NAV3: variants seen among roughly 807,000 people sequenced by gnomAD.
NAV3 encodes the protein pore membrane and/or filament interacting like protein 1.
Under a neutral mutation model 244.7 loss-of-function variants are expected in NAV3, and 87 were observed. The observed-to-expected ratio is 0.36, with a 90% CI of 0.30 to 0.42. The LOEUF (loss-of-function observed/expected upper bound fraction) is 0.42. Ranked by LOEUF, NAV3 falls within the 20% of genes least tolerant of loss-of-function variation. The pLI, the probability that NAV3 is intolerant of heterozygous loss-of-function variation, is 1.00. For synonymous variants in NAV3, 1,126 were observed against 1,042.2 expected (o/e 1.08, Z -1.55); for missense variants, 2,663 against 2,893.3 (o/e 0.92, Z 1.83).
At chr12:77,948,762 A>C (rs2137607030) in intron 3 of NAV3, among the ~76,000 whole-genome samples, 1 of 150,532 alleles carries the variant, frequency 6.6e-6, no homozygotes, top group Non-Finnish European at 1.5e-5. Flanking sequence ...TAATTTTAAC[A>C]ATCTTAGTTT....
At chr12:77,957,311 A>G (rs1282895911) in intron 3 of NAV3, among the ~76,000 whole-genome samples, 3 of 152,338 alleles carry the variant, frequency 2.0e-5, no homozygotes, top group Admixed American at 6.5e-5. Context: ...TAAACAGTCT[A>G]TAGTTGCTGA....
intron 1 of NAV3, among the ~76,000 whole-genome samples, chr12:77,886,731 GA>G (rs1308824639): frequency 2.6e-5 from 4 of 152,030 alleles, no homozygotes; most frequent in Non-Finnish European, 5.9e-5. Context: ...ATGCTTTTTA[GA>G]AAAATTCTTT....
intron 3 of NAV3, among the ~76,000 whole-genome samples, chr12:77,947,952 T>C (rs1890516261): frequency 6.6e-6 from 1 of 152,034 alleles, no homozygotes; most frequent in African/African-American, 2.4e-5. Flanking sequence ...ATTCCAATTT[T>C]GTATGTATGA....
chr12:77,957,756 G>A (rs555091815), intron 3 of NAV3, among the ~76,000 whole-genome samples: 3 of 151,736 alleles, frequency 2.0e-5, no homozygotes, highest in Non-Finnish European at 4.4e-5. Flanking sequence ...CCTTTGCCTC[G>A]CAGGTTCAAG....
chr12:77,650,985 C>T (rs977808556), intron 2 of NAV3, among the ~76,000 whole-genome samples: 2 of 151,968 alleles, frequency 1.3e-5, no homozygotes, highest in African/African-American at 4.8e-5. Context: ...TATATAGTAA[C>T]TATTTTAAAT....
At chr12:77,970,342 G>T (rs898336212) in intron 5 of NAV3, among the ~76,000 whole-genome samples, 1 of 151,958 alleles carries the variant, frequency 6.6e-6, no homozygotes, top group Non-Finnish European at 1.5e-5. Flanking sequence ...TACATTTATG[G>T]ACCACCTCCC....
intron 12 of NAV3, among the ~76,000 whole-genome samples, chr12:78,072,576 G>A: frequency 1.2e-4 from 8 of 69,020 alleles, no homozygotes; most frequent in Non-Finnish European, 1.7e-4. Context: ...TCCAGGACCA[G>A]ATGGATTCAC....
intron 2 of NAV3, among the ~76,000 whole-genome samples, chr12:77,606,486 C>T (rs1870675597): frequency 6.6e-6 from 1 of 152,020 alleles, no homozygotes; most frequent in African/African-American, 2.4e-5. Context: ...AGTCTGTTAG[C>T]TTTTTTAACT....
intron 1 of NAV3, among the ~76,000 whole-genome samples, chr12:77,882,736 C>T (rs1229147768): frequency 6.6e-6 from 1 of 151,896 alleles, no homozygotes; most frequent in Non-Finnish European, 1.5e-5. Flanking sequence ...ATTCAACAAA[C>T]AAAAACAAGT....
chr12:77,675,253 A>C (rs1874154662), intron 2 of NAV3, among the ~76,000 whole-genome samples: 2 of 152,136 alleles, frequency 1.3e-5, no homozygotes, highest in Non-Finnish European at 2.9e-5. Flanking sequence ...CTGTTAGGAG[A>C]TATATATTAA....
intron 2 of NAV3, among the ~76,000 whole-genome samples, chr12:77,758,242 A>T (rs1396386609): frequency 6.6e-6 from 1 of 151,834 alleles, no homozygotes; most frequent in Non-Finnish European, 1.5e-5. Flanking sequence ...TCCTGTTTTG[A>T]TTTCTTATCA....
intron 5 of NAV3, among the ~76,000 whole-genome samples, chr12:77,974,633 T>C (rs1259353020): frequency 6.6e-6 from 1 of 152,108 alleles, no homozygotes; most frequent in Non-Finnish European, 1.5e-5. Flanking sequence ...TTTATGTGGG[T>C]AAAGATTAAA....
chr12:78,116,785 A>T lies in NAV3; in HGVS notation c.2650A>T (p.Ser884Cys), dbSNP rs1469937293. 6.3e-7 allele frequency: 1 copy of T among 1,597,604 alleles called. No homozygotes were observed. The highest frequency in any genetic ancestry group is 8.6e-7 in the Non-Finnish European group (1 of 1,169,450). The change falls in exon 13 of 40, where the codon AGT becomes TGT. Residue 884 changes from serine to cysteine, a missense_variant. Coordinates refer to ENST00000397909, the MANE Select transcript of NAV3 (RefSeq NM_001024383.2). ...TCTTGCCTTTAGCTGGGATGACAGCAGTTCAGTGAGCAGTGGTCTCAGTGA... is the reference window on the plus strand; with the variant it reads ...TCTTGCCTTTAGCTGGGATGACAGCTGTTCAGTGAGCAGTGGTCTCAGTGA... Reference protein sequence around the residue: ...TVDADSWDDSSSVSSGLSDTL... With the variant: ...TVDADSWDDSCSVSSGLSDTL...
intron 23 of NAV3, among the ~76,000 whole-genome samples, chr12:78,168,349 G>A (rs1425410664): frequency 6.6e-6 from 1 of 151,798 alleles, no homozygotes; most frequent in Non-Finnish European, 1.5e-5. Flanking sequence ...CAGGTTTGCA[G>A]TTGACAATAA....
intron 2 of NAV3, among the ~76,000 whole-genome samples, chr12:77,729,357 C>T (rs965601294): frequency 8.6e-5 from 13 of 151,920 alleles, no homozygotes; most frequent in African/African-American, 2.9e-4. Flanking sequence ...GGCATAGAAG[C>T]CTGATTTCAT....
At chr12:77,595,055 G>A (rs779461632) in intron 2 of NAV3, among the ~76,000 whole-genome samples, 9 of 152,008 alleles carry the variant, frequency 5.9e-5, no homozygotes, top group Non-Finnish European at 1.2e-4. Flanking sequence ...CCTCTTCTAG[G>A]TATATGCCTA....
chr12:78,206,064 C>T (rs572293887), intron 39 of NAV3, among the ~76,000 whole-genome samples: 35 of 152,168 alleles, frequency 2.3e-4, no homozygotes, highest in Admixed American at 5.9e-4. Flanking sequence ...TTGGGAGTTT[C>T]TTGTGGAAAA....
intron 2 of NAV3, among the ~76,000 whole-genome samples, chr12:77,791,016 T>C (rs781611588): frequency 3.9e-5 from 6 of 152,196 alleles, no homozygotes; most frequent in Non-Finnish European, 5.9e-5. Context: ...AGCAGGAAGC[T>C]TGATCTCAAG....
chr12:78,185,459 G>A (rs1298185419), intron 30 of NAV3, 142 bp from the exon 31 acceptor site: 4 of 626,026 alleles, frequency 6.4e-6, no homozygotes, highest in Non-Finnish European at 1.1e-5. Context: ...CTGGAAAGCT[G>A]AGGCTTTTCA....
Sources: allele counts gnomAD v4.1 joint callset (sites outside exome capture counted in the v4.1 genomes callset), GRCh38; gene constraint gnomAD v4.1.1; transcripts MANE v1.5; gene names NCBI Gene and HGNC (gene_info 2026-07-23, HGNC 2026-07-21).